Variants in TEX15 observed in about 807,000 individuals in gnomAD.
TEX15 encodes the protein testis expressed 15, meiosis and synapsis associated, also known as testis-expressed protein 15.
TEX15 carries 171 observed loss-of-function variants against 237.3 expected under a neutral mutation model. The ratio of observed to expected loss-of-function variants is 0.72; its 90% confidence interval spans 0.64 to 0.82. The LOEUF (loss-of-function observed/expected upper bound fraction) is 0.82, where lower values mean the gene tolerates loss of function less well. Among genes scored for constraint, TEX15 ranks in the 40% least tolerant of loss-of-function variants. The pLI is 0.00. For synonymous variants in TEX15, 1,338 were observed against 1,269.8 expected (o/e 1.05, Z -1.14); for missense variants, 3,750 against 3,646.5 (o/e 1.03, Z -0.73).
At position 30,877,018 on chromosome 8, in the gene TEX15, G is replaced by T. The variant is rs550760519; in HGVS notation, c.137-1916C>A. ...GTTTGCTTACCCTTCTGCCATGATT[G>T]TAAGTTTCCTAAGGCCTCACCAGCC... On this transcript the variant is annotated intron_variant, in intron 3 of 10. Coordinates refer to ENST00000643185, the MANE Select transcript of TEX15 (RefSeq NM_001350162.2). Among the ~76,000 whole-genome samples the T allele has an allele frequency of 3.9e-5, 6 of 152,230 alleles. No homozygotes were observed. In the South Asian group the frequency reaches 1.0e-3, roughly 26 times the overall value.
chr8:30,849,118 T>A lies in TEX15; in HGVS notation c.1049A>T (p.Asn350Ile), dbSNP rs1419922279. 1 of 1,603,510 alleles carries A rather than the reference T, an allele frequency of 6.2e-7. No individual in the cohort carries two copies. Among genetic ancestry groups the A allele is most frequent in the Non-Finnish European group, 8.5e-7 (1 of 1,175,136 alleles). The change falls in exon 8 of 11, where the codon AAC (asparagine) becomes ATC (isoleucine). Residue 350 changes from asparagine (N) to isoleucine (I), a missense_variant. By Grantham distance (149) the Asn-to-Ile change is moderately radical. Transcript: ENST00000643185. ...SNSYGNVQNGNISIPETYSGQ... is the reference protein window; with the variant it reads ...SNSYGNVQNGIISIPETYSGQ... ...ACTGTATGTTTCAGGTATAGAAATGTTTCCATTTTGTACATTTCCATAGGA... is the reference window on the plus strand; with the variant it reads ...ACTGTATGTTTCAGGTATAGAAATGATTCCATTTTGTACATTTCCATAGGA...
chr8:30,883,939 T>C (rs957541206), intron 3 of TEX15, among the ~76,000 whole-genome samples: 1 of 152,236 alleles, frequency 6.6e-6, no homozygotes, highest in Non-Finnish European at 1.5e-5. Flanking sequence ...TCTTCCACAA[T>C]GGTTGAACTA....
chr8:30,866,962 T>C (rs1808183252), intron 5 of TEX15, among the ~76,000 whole-genome samples: 1 of 151,686 alleles, frequency 6.6e-6, no homozygotes, highest in South Asian at 2.1e-4. Context: ...ATAGTACTTA[T>C]TATGATAGAA....
chr8:30,834,486 T>C (rs999247334), intron 10 of TEX15, among the ~76,000 whole-genome samples: 3 of 149,080 alleles, frequency 2.0e-5, no homozygotes, highest in Non-Finnish European at 3.0e-5. Flanking sequence ...TTCCCCTCTT[T>C]TATCGTTTTC....
chr8:30,861,311 T>A (rs1352798747), intron 5 of TEX15, among the ~76,000 whole-genome samples: 1 of 152,174 alleles, frequency 6.6e-6, no homozygotes, highest in Non-Finnish European at 1.5e-5. Context: ...TCTAAGAATA[T>A]GTGCCAATAA....
At chr8:30,895,096 TAGA>T (rs918623875) in intron 2 of TEX15, among the ~76,000 whole-genome samples, 9 of 152,126 alleles carry the variant, frequency 5.9e-5, no homozygotes, top group African/African-American at 2.2e-4. Context: ...AGAGGATTTT[TAGA>T]AGATCTCCTA....
intron 1 of TEX15, among the ~76,000 whole-genome samples, chr8:30,910,265 AAT>A (rs907563427): frequency 1.3e-4 from 20 of 152,270 alleles, no homozygotes; most frequent in Admixed American, 1.3e-3. Context: ...GAGTAAAAGC[AAT>A]ATAATTATAC....
chr8:30,885,074 C>T (rs190212592), intron 3 of TEX15, among the ~76,000 whole-genome samples: 104 of 151,790 alleles, frequency 6.9e-4, no homozygotes, highest in Admixed American at 1.2e-3. Context: ...TTCTTTGATG[C>T]TTTTATTATT....
intron 5 of TEX15, among the ~76,000 whole-genome samples, chr8:30,860,278 T>C (rs1380172889): frequency 4.0e-5 from 6 of 151,742 alleles, no homozygotes; most frequent in Non-Finnish European, 7.4e-5. Flanking sequence ...AGCACCACCG[T>C]GCCCAGCTAA....
intron 3 of TEX15, among the ~76,000 whole-genome samples, chr8:30,881,747 G>A (rs1355454327): frequency 4.0e-5 from 6 of 150,724 alleles, no homozygotes; most frequent in Admixed American, 3.3e-4. Context: ...TCAGCCTCCC[G>A]AGTAGCTGGG....
intron 1 of TEX15, among the ~76,000 whole-genome samples, chr8:30,903,850 G>A (rs1809048633): frequency 6.6e-6 from 1 of 152,128 alleles, no homozygotes; most frequent in Non-Finnish European, 1.5e-5. Context: ...AATCAGATAT[G>A]GTGTTAGAAG....
In TEX15 at chr8:30,859,225, CATA is replaced by C. The variant is rs998394763; in HGVS notation, c.688-398_688-396del. ...TTGGGAAGATTTATCTTCATTTAAT[CATA>C]ATATGATTATATATAATCCATATAT... On this transcript the variant is annotated intron_variant, in intron 6 of 10. Coordinates refer to ENST00000643185, the MANE Select transcript of TEX15 (RefSeq NM_001350162.2). Among the ~76,000 whole-genome samples, 19 of 151,888 alleles carry C rather than the reference CATA, an allele frequency of 1.3e-4. No individual in the cohort carries two copies. In the East Asian group the frequency reaches 3.5e-3, roughly 28 times the overall value.
Position 30,844,501 on chromosome 8 carries a change from A to T in TEX15, c.5666T>A (p.Ile1889Asn). 2 of 1,612,898 alleles carry T rather than the reference A, an allele frequency of 1.2e-6. No homozygotes were observed. Among genetic ancestry groups the T allele is most frequent in the Middle Eastern group, 3.3e-4 (2 of 6,060 alleles). Reference protein sequence around the residue: ...ISEESCLNEKIITTNLIDSHL... With the variant: ...ISEESCLNEKNITTNLIDSHL... Reference sequence around the variant, plus strand: ...GGAATCAATCAAGTTAGTTGTAATAATTTTCTCATTTAAGCAGGATTCTTC... The same window carrying T: ...GGAATCAATCAAGTTAGTTGTAATATTTTTCTCATTTAAGCAGGATTCTTC... The change falls in exon 8 of 11, where the codon ATT becomes AAT. Residue 1889 changes from isoleucine to asparagine, a missense_variant. Transcript: ENST00000643185.
chr8:30,867,139 A>G, intron 5 of TEX15, 126 bp downstream of exon 5: 1 of 379,458 alleles, frequency 2.6e-6, no homozygotes, highest in East Asian at 3.9e-5. Context: ...AATAATAAAT[A>G]TAATTATTAC....
intron 2 of TEX15, among the ~76,000 whole-genome samples, chr8:30,893,593 T>A (rs1227841786): frequency 2.0e-5 from 3 of 152,262 alleles, no homozygotes; most frequent in Non-Finnish European, 4.4e-5. Flanking sequence ...TAAATTCTAT[T>A]CTTTAGTAGA....
Position 30,849,319 on chromosome 8 carries a change from G to A in TEX15, c.851-3C>T, listed in dbSNP as rs1807713876. 6.7e-7 allele frequency: 1 copy of A among 1,487,528 alleles called. No homozygotes were observed. Among genetic ancestry groups the A allele is most frequent in the Non-Finnish European group, 8.9e-7 (1 of 1,123,772 alleles). The allele number at this position is 1,487,528 out of a possible 1,614,324, so 92.1% of individuals were successfully genotyped here. A position where few individuals can be genotyped will look rare whatever the true frequency, so the allele number is the denominator to read the frequency against. On this transcript the variant is annotated splice_region_variant and splice_polypyrimidine_tract_variant and intron_variant, in intron 7 of 10. Coordinates refer to ENST00000643185, the MANE Select transcript of TEX15 (RefSeq NM_001350162.2). ...GTTATTCAGAGAGCATGTCCTTTCT[G>A]TGGAAATAATAAGGAAGACAAATTT...
At chr8:30,854,010 T>C (rs1290403568) in intron 7 of TEX15, among the ~76,000 whole-genome samples, 12 of 152,008 alleles carry the variant, frequency 7.9e-5, no homozygotes. Flanking sequence ...TAGTTGTTTC[T>C]AGAAATTTAT....
At chr8:30,850,932 A>T (rs1807769721) in intron 7 of TEX15, among the ~76,000 whole-genome samples, 1 of 152,220 alleles carries the variant, frequency 6.6e-6, no homozygotes, top group African/African-American at 2.4e-5. Flanking sequence ...ATAAACAGTA[A>T]GATCCATTAA....
intron 4 of TEX15, among the ~76,000 whole-genome samples, chr8:30,870,400 C>T (rs1007242465): frequency 1.3e-5 from 2 of 151,804 alleles, no homozygotes; most frequent in African/African-American, 4.8e-5. Flanking sequence ...CCAAGACAAC[C>T]TACATATAGT....
Sources: gnomAD v4.1 joint callset for allele counts (sites outside exome capture counted in the v4.1 genomes callset) on GRCh38, gnomAD v4.1.1 for gene constraint, MANE v1.5 for transcripts, NCBI Gene and HGNC (gene_info 2026-07-23, HGNC 2026-07-21) for gene names.